The following ANO4 variants were observed in gnomAD, a reference collection of about 807,000 sequenced individuals.
ANO4 encodes the protein anoctamin 4.
Under a neutral mutation model 141.9 loss-of-function variants are expected in ANO4, and 69 were observed. That is an observed-to-expected ratio of 0.49 (90% CI 0.40 to 0.59). The LOEUF is 0.59. Ranked by LOEUF, ANO4 falls within the 20% of genes least tolerant of loss-of-function variation. The pLI is 0.00. For synonymous variants in ANO4, 350 were observed against 394.3 expected (o/e 0.89, Z 1.33); for missense variants, 894 against 1,162.2 (o/e 0.77, Z 3.36).
chr12:100,941,237 T>C (rs1321210182), intron 4 of ANO4, among the ~76,000 whole-genome samples: 1 of 151,854 alleles, frequency 6.6e-6, no homozygotes, highest in Non-Finnish European at 1.5e-5. Flanking sequence ...AGAGAAACAC[T>C]GAACTAGAAT....
intron 1 of ANO4, among the ~76,000 whole-genome samples, chr12:100,821,952 A>G (rs1466763848): frequency 2.0e-5 from 3 of 151,908 alleles, no homozygotes; most frequent in African/African-American, 7.2e-5. Context: ...ACACTATATG[A>G]AAGTGCTCAT....
intron 3 of ANO4, among the ~76,000 whole-genome samples, chr12:100,750,621 T>A (rs2032331091): frequency 6.6e-6 from 1 of 152,210 alleles, no homozygotes; most frequent in African/African-American, 2.4e-5. Context: ...TTGGCAATAC[T>A]GTTTTTATCA....
chr12:100,735,810 C>T (rs966277550), intron 2 of ANO4, among the ~76,000 whole-genome samples: 4 of 151,972 alleles, frequency 2.6e-5, no homozygotes, highest in Admixed American at 6.6e-5. Flanking sequence ...TTGATGTGCC[C>T]GTGAGACTTC....
Position 100,859,232 on chromosome 12 carries a change from C to A in ANO4, c.-140-42414C>A, listed in dbSNP as rs558700595. 9 of 152,210 alleles carry A rather than the reference C, an allele frequency of 5.9e-5. No homozygotes were observed. The South Asian group carries it at 1.7e-3, about 28-fold the overall frequency. 9.4% of individuals were successfully genotyped at this position (152,210 alleles called of 1,614,324 possible). On this transcript the variant is annotated intron_variant, in intron 1 of 27. Coordinates refer to ENST00000392977, the MANE Select transcript of ANO4 (RefSeq NM_001286615.2). ...GCCATATGACTTGACTTGTTTTAGC[C>A]AGTTAAATGTGAGTGGCAGTGACAG...
chr12:100,956,163 A>G (rs1485041474), intron 5 of ANO4, among the ~76,000 whole-genome samples: 1 of 152,190 alleles, frequency 6.6e-6, no homozygotes, highest in Non-Finnish European at 1.5e-5. Context: ...AACCAAATCC[A>G]TCACACTGTA....
At chr12:100,969,465 G>A (rs2043823981) in intron 5 of ANO4, among the ~76,000 whole-genome samples, 1 of 152,146 alleles carries the variant, frequency 6.6e-6, no homozygotes, top group Admixed American at 6.5e-5. Flanking sequence ...CACTGCAGTT[G>A]ATGCCAGTTT....
intron 1 of ANO4, among the ~76,000 whole-genome samples, chr12:100,888,821 C>G (rs1399415402): frequency 4.0e-5 from 6 of 151,626 alleles, no homozygotes; most frequent in African/African-American, 1.5e-4. Flanking sequence ...GAAATTCATC[C>G]CTTTCAGCCT....
intron 19 of ANO4, among the ~76,000 whole-genome samples, chr12:101,096,934 G>C (rs1255822555): frequency 6.6e-6 from 1 of 152,136 alleles, no homozygotes; most frequent in Admixed American, 6.5e-5. Context: ...GTCTGCACCT[G>C]AATCAGGCCC....
intron 3 of ANO4, among the ~76,000 whole-genome samples, chr12:100,757,575 G>A (rs2032669467): frequency 1.3e-5 from 2 of 152,152 alleles, no homozygotes; most frequent in South Asian, 4.1e-4. Flanking sequence ...GGAGGGTGGA[G>A]CCACTGCTGA....
At chr12:100,914,335 AC>A (rs2041242039) in intron 2 of ANO4, among the ~76,000 whole-genome samples, 1 of 152,216 alleles carries the variant, frequency 6.6e-6, no homozygotes, top group Admixed American at 6.5e-5. Context: ...TCCCATCAGG[AC>A]CCAGTAAAGA....
At chr12:101,108,959 A>C (rs919494583) in intron 22 of ANO4, among the ~76,000 whole-genome samples, 2 of 152,178 alleles carry the variant, frequency 1.3e-5, no homozygotes, top group Admixed American at 1.3e-4. Context: ...TTTCTTGTTC[A>C]CAATACTTCC....
chr12:101,115,000 T>C (rs2050798244), intron 24 of ANO4, among the ~76,000 whole-genome samples: 1 of 152,148 alleles, frequency 6.6e-6, no homozygotes, highest in Admixed American at 6.5e-5. Context: ...CACGATAACA[T>C]GCAGAACCCA....
chr12:101,083,879 T>C (rs752789965), intron 16 of ANO4, 61 bp downstream of exon 16: 1 of 1,395,430 alleles, frequency 7.2e-7, no homozygotes, highest in Non-Finnish European at 9.6e-7. Context: ...ATAATAACAG[T>C]AATCATATTG....
intron 14 of ANO4, among the ~76,000 whole-genome samples, chr12:101,070,585 T>C (rs149251010): frequency 2.4e-3 from 365 of 152,108 alleles, no homozygotes; most frequent in African/African-American, 8.4e-3. Context: ...ATTGGGGAAC[T>C]CTCCAAGACA....
At chr12:100,991,533 A>AAAG (rs1555270460) in intron 8 of ANO4, among the ~76,000 whole-genome samples, 4 of 150,970 alleles carry the variant, frequency 2.6e-5, no homozygotes, top group African/African-American at 9.7e-5. Context: ...AAAAAAAAAA[A>AAAG]AGAGAAAAAC....
At chr12:101,113,671 T>G (rs1747111493) in intron 24 of ANO4, among the ~76,000 whole-genome samples, 1 of 152,220 alleles carries the variant, frequency 6.6e-6, no homozygotes, top group African/African-American at 2.4e-5. Flanking sequence ...AGAAATGCTT[T>G]AGAAATTATT....
chr12:101,053,495 G>A (rs562364241), intron 14 of ANO4, among the ~76,000 whole-genome samples: 1 of 152,164 alleles, frequency 6.6e-6, no homozygotes, highest in Non-Finnish European at 1.5e-5. Context: ...TGAGGGCTGT[G>A]AGGGAAGGAT....
At chr12:100,773,126 G>T (rs2033367173) in intron 3 of ANO4, among the ~76,000 whole-genome samples, 1 of 152,198 alleles carries the variant, frequency 6.6e-6, no homozygotes, top group South Asian at 2.1e-4. Flanking sequence ...CAGATTAAGT[G>T]TCTGGTGAAT....
chr12:101,122,233 GTTAT>G (rs1310164140), intron 26 of ANO4, among the ~76,000 whole-genome samples: 1 of 152,076 alleles, frequency 6.6e-6, no homozygotes, highest in Non-Finnish European at 1.5e-5. Context: ...TTTTAATGGG[GTTAT>G]TTGTTTTTTA....
Sources: gnomAD v4.1 joint callset for allele counts (sites outside exome capture counted in the v4.1 genomes callset) on GRCh38, gnomAD v4.1.1 for gene constraint, MANE v1.5 for transcripts, NCBI Gene and HGNC (gene_info 2026-07-23, HGNC 2026-07-21) for gene names.